DENND11: variants seen among roughly 807,000 people sequenced by gnomAD.
DENND11 encodes DENN domain-containing protein 11.
A neutral mutation model predicts 49.2 loss-of-function variants in DENND11; 34 were observed. The ratio of observed to expected loss-of-function variants is 0.69; its 90% CI spans 0.53 to 0.92. The LOEUF is 0.92. Ranked by LOEUF, DENND11 falls within the 40% of genes least tolerant of loss-of-function variation. The probability of loss-of-function intolerance (pLI) is 0.00; values close to 1 mark genes in which losing one functional copy is unlikely to be tolerated. For missense variants in DENND11, 475 were observed against 581.6 expected, an observed-to-expected ratio of 0.82 and a Z score of 1.88; for synonymous variants, 238 against 230.3, an observed-to-expected ratio of 1.03 and a Z score of -0.30.
Position 141,681,531 on chromosome 7 carries a change from T to G in DENND11, c.527+3947A>C, listed in dbSNP as rs1482070149. Among the ~76,000 whole-genome samples the G allele has an allele frequency of 2.0e-5, 3 of 152,068 alleles. No individual in the cohort carries two copies. The East Asian group carries it at 5.8e-4, about 29-fold the overall frequency. ...GGGAATCACCTCAAGGAAGTTATTA[T>G]GAAAATGAGGGAGAAAGGGATGGGC... On this transcript the variant is annotated intron_variant, in intron 3 of 8. Transcript: ENST00000536163.
chr7:141,696,360 G>A (rs1798413716), intron 1 of DENND11, among the ~76,000 whole-genome samples: 2 of 152,212 alleles, frequency 1.3e-5, no homozygotes, highest in African/African-American at 4.8e-5. Context: ...ATTAACTGCA[G>A]TAACTGCTGT....
intron 4 of DENND11, 77 bp downstream of exon 4, chr7:141,673,990 T>G (rs1352942153): frequency 6.7e-7 from 1 of 1,481,830 alleles, no homozygotes. Context: ...AATTTTTTAT[T>G]CATTAAAAAG....
Position 141,656,851 on chromosome 7 carries a change from C to T in DENND11, c.*5805G>A, listed in dbSNP as rs1797703382. On this transcript the variant is annotated 3_prime_UTR_variant, in exon 9 of 9. Transcript: ENST00000536163. ...ATGATATTCATAGATGTTATTTGTA[C>T]CACAGAACAAAATCAATTCAAGAAA... The T allele has an allele frequency of 6.5e-6, 1 of 152,870 alleles. No individual in the cohort carries two copies. The highest frequency in any genetic ancestry group is 2.4e-5 in the African/African-American group (1 of 41,414). 9.5% of individuals were successfully genotyped at this position (152,870 alleles called of 1,614,324 possible).
intron 3 of DENND11, among the ~76,000 whole-genome samples, chr7:141,674,659 C>A (rs1798037882): frequency 6.6e-6 from 1 of 152,204 alleles, no homozygotes; most frequent in African/African-American, 2.4e-5. Context: ...TGCCTGCTTG[C>A]TTTGTTGTTA....
chr7:141,694,296 G>C (rs1429344400), intron 1 of DENND11, among the ~76,000 whole-genome samples: 1 of 152,008 alleles, frequency 6.6e-6, no homozygotes, highest in Non-Finnish European at 1.5e-5. Context: ...TAAGAGACAG[G>C]ATTGCCCAGG....
chr7:141,687,734 A>C (rs1798267082), intron 1 of DENND11, among the ~76,000 whole-genome samples: 1 of 148,110 alleles, frequency 6.8e-6, no homozygotes, highest in Non-Finnish European at 1.5e-5. Context: ...TCCCAGGTTC[A>C]TGCCATTCTC....
rs1007583623 is a variant in DENND11 at position 141,665,242 on chromosome 7, G to A, written c.897C>T (p.Phe299=). 59 of 1,613,554 alleles carry A rather than the reference G, an allele frequency of 3.7e-5. No individual in the cohort carries two copies. Among genetic ancestry groups the A allele is most frequent in the Non-Finnish European group, 4.9e-5 (58 of 1,179,786 alleles). ...TCTCGATGTCAGCCACGTTCACGTAGAAGAAAGGTTTGGACTCAGGAATGG... is the reference window on the plus strand; with the variant it reads ...TCTCGATGTCAGCCACGTTCACGTAAAAGAAAGGTTTGGACTCAGGAATGG... ...GGTIPESKPF[F]YVNVADIESL... is the part of the protein sequence containing the mutation. Residue 299 remains phenylalanine, a synonymous_variant, in exon 6 of 9, where the codon TTC becomes TTT. Transcript: ENST00000536163.
rs542182121 is a variant in DENND11, at chr7:141,684,192, C to T, written c.527+1286G>A. Among the ~76,000 whole-genome samples the T allele has an allele frequency of 2.6e-5, 4 of 152,266 alleles. No homozygotes were observed. In the South Asian group the frequency reaches 6.2e-4, roughly 24 times the overall value. On this transcript the variant is annotated intron_variant, in intron 3 of 8. Transcript: ENST00000536163. ...TCCTCCTAAATTGATCCTCCTTGGC[C>T]TCCTAAAGTGCTGGGATTACAGGCG...
rs1007650737 is a variant in DENND11, at chr7:141,701,782, G to A, written c.268+104C>T. On this transcript the variant is annotated intron_variant, in intron 1 of 8. Coordinates refer to ENST00000536163, the MANE Select transcript of DENND11 (RefSeq NM_001080392.2). ...GGGCCGGCCCTGGTGCGGGGTGCGGGGCCGGGAGGGCAGGTGCGCGCGCAG... is the reference window on the plus strand; with the variant it reads ...GGGCCGGCCCTGGTGCGGGGTGCGGAGCCGGGAGGGCAGGTGCGCGCGCAG... 3.1e-6 allele frequency: 3 copies of A among 965,420 alleles called. No homozygotes were observed. In the South Asian group the frequency reaches 1.5e-4, roughly 47 times the overall value. The allele number at this position is 965,420 out of a possible 1,614,324, so 59.8% of individuals were successfully genotyped here.
chr7:141,692,790 A>C (rs1447988349), intron 1 of DENND11, among the ~76,000 whole-genome samples: 1 of 152,160 alleles, frequency 6.6e-6, no homozygotes, highest in Non-Finnish European at 1.5e-5. Flanking sequence ...GGCTACAAGG[A>C]GCTGTGCTCA....
intron 3 of DENND11, among the ~76,000 whole-genome samples, chr7:141,682,175 T>G (rs369552097): frequency 1.3e-3 from 193 of 152,304 alleles, no homozygotes; most frequent in African/African-American, 4.5e-3. Flanking sequence ...AAAGGACTAC[T>G]GCGCACTACA....
chr7:141,688,779 T>C (rs796948836), intron 1 of DENND11, among the ~76,000 whole-genome samples: 12 of 152,196 alleles, frequency 7.9e-5, no homozygotes, highest in African/African-American at 2.6e-4. Flanking sequence ...CCTAGGTCTA[T>C]AGAATCACCA....
chr7:141,662,466 A>G lies in DENND11; in HGVS notation c.*190T>C. 4.4e-6 allele frequency: 2 copies of G among 453,554 alleles called. No individual in the cohort carries two copies. The highest frequency in any genetic ancestry group is 5.7e-5 in the South Asian group (1 of 17,478). The allele number at this position is 453,554 out of a possible 1,614,324, so 28.1% of individuals were successfully genotyped here. ...ATATCCTAACATGGCAGGACACAAA[A>G]CCAAGGTGATCTCACCTTATCTCTA... On this transcript the variant is annotated 3_prime_UTR_variant, in exon 9 of 9. Coordinates refer to ENST00000536163, the MANE Select transcript of DENND11 (RefSeq NM_001080392.2).
chr7:141,684,990 T>C (rs982536683), intron 3 of DENND11, among the ~76,000 whole-genome samples: 2 of 121,502 alleles, frequency 1.6e-5, no homozygotes, highest in African/African-American at 3.1e-5. Context: ...GCCTGGGCAA[T>C]ATAGTAAGAG....
intron 1 of DENND11, among the ~76,000 whole-genome samples, chr7:141,688,754 G>A (rs1563003748): frequency 6.7e-6 from 1 of 150,326 alleles, no homozygotes; most frequent in Admixed American, 6.6e-5. Context: ...AGCTTTAAAA[G>A]GTGCCAGGGG....
intron 1 of DENND11, among the ~76,000 whole-genome samples, chr7:141,695,896 C>A (rs914305872): frequency 2.0e-5 from 3 of 152,200 alleles, no homozygotes; most frequent in Non-Finnish European, 4.4e-5. Flanking sequence ...CACATGACCA[C>A]GGGAGGCACA....
At chr7:141,696,398 TA>T (rs1021158014) in intron 1 of DENND11, among the ~76,000 whole-genome samples, 1 of 152,224 alleles carries the variant, frequency 6.6e-6, no homozygotes. Flanking sequence ...TCAAAATATT[TA>T]AAATAGAGAA....
intron 1 of DENND11, among the ~76,000 whole-genome samples, chr7:141,688,919 T>C (rs931863981): frequency 6.6e-6 from 1 of 152,160 alleles, no homozygotes; most frequent in East Asian, 1.9e-4. Context: ...AAAGGGACTG[T>C]CTGGGACAGA....
intron 3 of DENND11, among the ~76,000 whole-genome samples, chr7:141,684,086 C>T (rs1029483370): frequency 8.5e-5 from 13 of 152,108 alleles, no homozygotes; most frequent in Non-Finnish European, 1.8e-4. Context: ...CACCACCATG[C>T]CTGGCTAATT....
Sources: allele counts gnomAD v4.1 joint callset (sites outside exome capture counted in the v4.1 genomes callset), GRCh38; gene constraint gnomAD v4.1.1; transcripts MANE v1.5; gene names NCBI Gene and HGNC (gene_info 2026-07-23, HGNC 2026-07-21).